The following PHF20 variants were observed in gnomAD, a reference collection of about 807,000 sequenced individuals.
PHF20 encodes PHD finger protein 20.
Under a neutral mutation model 113.5 loss-of-function variants are expected in PHF20, and 23 were observed. The observed-to-expected ratio is 0.20, with a 90% confidence interval of 0.15 to 0.29. The LOEUF (loss-of-function observed/expected upper bound fraction) is 0.29, where lower values mean the gene tolerates loss of function less well. PHF20 is among the 10% of genes least tolerant of loss of function. PHF20 has a pLI of 1.00. For synonymous variants in PHF20, 434 were observed against 457.3 expected, an observed-to-expected ratio of 0.95 and a Z score of 0.65; for missense variants, 943 against 1,219.6, an observed-to-expected ratio of 0.77 and a Z score of 3.38.
chr20:35,841,411 T>C (rs540887779), intron 2 of PHF20, among the ~76,000 whole-genome samples: 1 of 152,052 alleles, frequency 6.6e-6, no homozygotes, highest in East Asian at 1.9e-4. Flanking sequence ...CTGAATCATA[T>C]AACTGTATAT....
At chr20:35,850,479 T>A (rs1278006853) in intron 4 of PHF20, among the ~76,000 whole-genome samples, 6 of 146,768 alleles carry the variant, frequency 4.1e-5, no homozygotes, top group Non-Finnish European at 9.0e-5. Flanking sequence ...CCTGGCTAAT[T>A]TATATATATA....
intron 1 of PHF20, among the ~76,000 whole-genome samples, chr20:35,778,194 G>A (rs2041213210): frequency 6.6e-6 from 1 of 152,076 alleles, no homozygotes; most frequent in African/African-American, 2.4e-5. Context: ...AGCGATTCTT[G>A]TGCCTCAGCC....
At chr20:35,870,111 T>G (rs1436784920) in intron 7 of PHF20, among the ~76,000 whole-genome samples, 5 of 151,666 alleles carry the variant, frequency 3.3e-5, no homozygotes, top group African/African-American at 1.2e-4. Flanking sequence ...GAGACCATCT[T>G]GGCTAACATG....
intron 2 of PHF20, among the ~76,000 whole-genome samples, chr20:35,816,511 G>A (rs1007773944): frequency 3.3e-5 from 5 of 149,410 alleles, no homozygotes; most frequent in East Asian, 4.0e-4. Flanking sequence ...GTGCAATGGC[G>A]CAATCTCCGG....
chr20:35,814,599 C>T (rs6141566), intron 2 of PHF20, among the ~76,000 whole-genome samples: 70 of 150,534 alleles, frequency 4.7e-4, no homozygotes, highest in East Asian at 2.2e-3. Context: ...ATAGGCCGGG[C>T]GCGGTGGCTC....
intron 2 of PHF20, among the ~76,000 whole-genome samples, chr20:35,808,626 T>C (rs144839568): frequency 6.6e-6 from 1 of 152,140 alleles, no homozygotes; most frequent in East Asian, 1.9e-4. Flanking sequence ...CAGGCTGGAG[T>C]GCAGTGGTGC....
intron 1 of PHF20, among the ~76,000 whole-genome samples, chr20:35,780,849 C>CTTT (rs61173937): frequency 0.013 from 1,284 of 98,214 alleles, 41 homozygotes; most frequent in Non-Finnish European, 0.017. Flanking sequence ...GTGCCTGGCC[C>CTTT]TTTTTTTTTT....
chr20:35,947,013 A>G (rs887334389), intron 17 of PHF20, among the ~76,000 whole-genome samples: 2 of 152,166 alleles, frequency 1.3e-5, no homozygotes, highest in East Asian at 3.8e-4. Context: ...CGGCTGGGAA[A>G]GCTTTTTAAA....
chr20:35,899,981 ACT>A (rs1265812133), intron 10 of PHF20, among the ~76,000 whole-genome samples: 1 of 151,986 alleles, frequency 6.6e-6, no homozygotes, highest in African/African-American at 2.4e-5. Flanking sequence ...CCATCGTCCC[ACT>A]CTCCCAAACC....
In PHF20 at chr20:35,946,032, G is replaced by A. The variant is rs568898904; in HGVS notation, c.2897-1453G>A. 5.3e-5 allele frequency among the ~76,000 whole-genome samples: 8 copies of A among 152,146 alleles called. No individual in the cohort carries two copies. The East Asian group carries it at 9.7e-4, about 18-fold the overall frequency. On this transcript the variant is annotated intron_variant, in intron 17 of 17. Coordinates refer to ENST00000374012, the MANE Select transcript of PHF20 (RefSeq NM_016436.5). ...TAAAAATAACAAAAATTAGCCAGGC[G>A]TGGTGGTGTGTGCCTGTAATACCAT...
At chr20:35,853,794 G>T (rs1359391587) in intron 4 of PHF20, among the ~76,000 whole-genome samples, 6 of 145,814 alleles carry the variant, frequency 4.1e-5, no homozygotes, top group African/African-American at 1.3e-4. Context: ...TTGCTCTGTT[G>T]CCCAGGCTGG....
At chr20:35,780,209 CA>C (rs1279582281) in intron 1 of PHF20, among the ~76,000 whole-genome samples, 2 of 151,386 alleles carry the variant, frequency 1.3e-5, no homozygotes, top group Non-Finnish European at 2.9e-5. Flanking sequence ...TTGCCACCCT[CA>C]CCCCAGATTT....
At chr20:35,874,050 C>T (rs1445089010) in intron 9 of PHF20, among the ~76,000 whole-genome samples, 1 of 152,246 alleles carries the variant, frequency 6.6e-6, no homozygotes, top group Non-Finnish European at 1.5e-5. Context: ...TGGCTCACTG[C>T]AACCTCCACT....
chr20:35,838,416 C>G (rs186401088), intron 2 of PHF20: 1 of 152,090 alleles, frequency 6.6e-6, no homozygotes, highest in African/African-American at 2.4e-5. Context: ...TCCTCCTTCC[C>G]GAGGTAGCCC....
chr20:35,931,361 C>G lies in PHF20; in HGVS notation c.2217C>G (p.Ile739Met). 6.2e-7 allele frequency: 1 copy of G among 1,614,036 alleles called. No homozygotes were observed. The highest frequency in any genetic ancestry group is 8.5e-7 in the Non-Finnish European group (1 of 1,180,018). Residue 739 changes from isoleucine (I) to methionine (M), a missense_variant, in exon 15 of 18, where the codon ATC (isoleucine) becomes ATG (methionine). This residue lies in a region of PHF20 where 349 missense variants were observed against 412.3 expected (regional missense o/e 0.85). Coordinates refer to ENST00000374012, the MANE Select transcript of PHF20 (RefSeq NM_016436.5). ...ACTCCCATCAGAATGCCAAGAAGAT[C>G]GTGGCCACCCACCAGCTTCTTGGTG... The part of the protein sequence containing the change: ...ENYSHQNAKK[I>M]VATHQLLGDV...
chr20:35,912,948 G>A lies in PHF20; in HGVS notation c.1562-301G>A, dbSNP rs564476421. Among the ~76,000 whole-genome samples, 6 of 152,324 alleles carry A rather than the reference G, an allele frequency of 3.9e-5. No homozygotes were observed. The South Asian group carries it at 1.0e-3, about 26-fold the overall frequency. ...GATAATAAATACTTTTCAACCTTGG[G>A]GTTGAAAGGTCTCTGTCCTCACTTT... On this transcript the variant is annotated intron_variant, in intron 10 of 17. Transcript: ENST00000374012.
intron 10 of PHF20, among the ~76,000 whole-genome samples, chr20:35,903,372 C>T (rs6119676): frequency 6.6e-6 from 1 of 151,904 alleles, no homozygotes; most frequent in African/African-American, 2.4e-5. Context: ...TTTTTAAGTC[C>T]TTATGTTTTA....
At chr20:35,836,950 G>A (rs1473207491) in intron 2 of PHF20, among the ~76,000 whole-genome samples, 2 of 152,018 alleles carry the variant, frequency 1.3e-5, no homozygotes, top group African/African-American at 2.4e-5. Context: ...GCCAGCGATC[G>A]CTTGAGCCCA....
intron 4 of PHF20, among the ~76,000 whole-genome samples, chr20:35,848,412 C>T (rs1236008959): frequency 6.6e-6 from 1 of 152,008 alleles, no homozygotes; most frequent in Non-Finnish European, 1.5e-5. Context: ...GGATTACCAA[C>T]GTGCACCACG....
Sources: gnomAD v4.1 joint callset for allele counts (sites outside exome capture counted in the v4.1 genomes callset) on GRCh38, gnomAD v4.1.1 for gene constraint, gnomAD v4.1.1 regional missense constraint, MANE v1.5 for transcripts, NCBI Gene and HGNC (gene_info 2026-07-23, HGNC 2026-07-21) for gene names.